The following SPICE1 variants were observed in gnomAD, a reference collection of about 807,000 sequenced individuals.
The protein encoded by SPICE1 is spindle and centriole-associated protein 1.
In SPICE1, 75 loss-of-function variants were observed where a neutral mutation model predicts 102.7. The ratio of observed to expected loss-of-function variants is 0.73; its 90% CI spans 0.61 to 0.88. The LOEUF is 0.88. Ranked by LOEUF, SPICE1 falls within the 40% of genes least tolerant of loss-of-function variation. SPICE1 has a pLI of 0.00. For missense variants in SPICE1, 979 were observed against 1,020.1 expected (o/e 0.96, Z 0.55); for synonymous variants, 308 against 350.3 (o/e 0.88, Z 1.35).
intron 14 of SPICE1, among the ~76,000 whole-genome samples, chr3:113,452,640 C>T (rs1382801128): frequency 2.0e-5 from 3 of 150,548 alleles, no homozygotes; most frequent in African/African-American, 4.9e-5. Flanking sequence ...GCCAAGATTG[C>T]GTCACTGCGC....
chr3:113,499,572 T>C lies in SPICE1; in HGVS notation c.158A>G (p.His53Arg), dbSNP rs149523076. 6.2e-7 allele frequency: 1 copy of C among 1,610,492 alleles called. No individual in the cohort carries two copies. The highest frequency in any genetic ancestry group is 1.3e-5 in the African/African-American group (1 of 74,626). ...TCTATTCTTCGATTTGTGTATTTCA[T>C]GACGGCGTACCTATACAGAAGAGAA... ...RATPEDLVRR[H>R]EIHKSKNRAL... Residue 53 changes from histidine to arginine, a missense_variant, in exon 4 of 18, where the codon CAT (histidine) becomes CGT (arginine). Transcript: ENST00000295872.
In SPICE1 at chr3:113,469,206, T is replaced by A; in HGVS notation, c.644A>T (p.Glu215Val). ...GTCAGTCCACAACTTACTAATTAAC[T>A]CAAAATTCTCTTCTGTTAGTTGTTG... Reference protein sequence around the residue: ...FLQQLTEENFELISKLWTDIQ... With the variant: ...FLQQLTEENFVLISKLWTDIQ... The change falls in exon 8 of 18, where the codon GAG becomes GTG. Residue 215 changes from glutamate (E) to valine (V), a missense_variant. Physicochemically the swap from Glu to Val is moderately radical, Grantham distance 121. Transcript: ENST00000295872. The A allele has an allele frequency of 6.3e-7, 1 of 1,592,986 alleles. No individual in the cohort carries two copies. Among genetic ancestry groups the A allele is most frequent in the South Asian group, 1.2e-5 (1 of 86,508 alleles).
At chr3:113,511,240 C>T (rs1937216225) in intron 1 of SPICE1, among the ~76,000 whole-genome samples, 1 of 152,118 alleles carries the variant, frequency 6.6e-6, no homozygotes, top group Non-Finnish European at 1.5e-5. Context: ...TACCATTTGA[C>T]CCAGCAATCA....
intron 11 of SPICE1, among the ~76,000 whole-genome samples, chr3:113,461,121 C>T (rs1365972311): frequency 2.0e-5 from 3 of 151,818 alleles, no homozygotes. Flanking sequence ...TAAACTACCC[C>T]CAAGAGACAC....
At chr3:113,507,876 A>G (rs187087747) in intron 1 of SPICE1, among the ~76,000 whole-genome samples, 1 of 152,276 alleles carries the variant, frequency 6.6e-6, no homozygotes, top group Admixed American at 6.5e-5. Flanking sequence ...CTGAGAGACA[A>G]AAGTTAACCA....
intron 7 of SPICE1, among the ~76,000 whole-genome samples, chr3:113,470,004 G>A (rs976331863): frequency 6.6e-6 from 1 of 152,166 alleles, no homozygotes; most frequent in African/African-American, 2.4e-5. Flanking sequence ...AGTGAGAAGA[G>A]ATGCTGCAGT....
At chr3:113,463,475 G>A (rs1935981475) in intron 11 of SPICE1, among the ~76,000 whole-genome samples, 1 of 152,144 alleles carries the variant, frequency 6.6e-6, no homozygotes, top group South Asian at 2.1e-4. Flanking sequence ...AATGTTCATA[G>A]CAGCATTATT....
chr3:113,485,487 C>T (rs1173557171), intron 7 of SPICE1, among the ~76,000 whole-genome samples: 1 of 152,104 alleles, frequency 6.6e-6, no homozygotes, highest in African/African-American at 2.4e-5. Flanking sequence ...TGGGTGGAGC[C>T]TACCGAAGCT....
intron 15 of SPICE1, chr3:113,449,363 T>C (rs1035713455): frequency 1.3e-5 from 2 of 152,084 alleles, no homozygotes; most frequent in Non-Finnish European, 1.5e-5. Context: ...TACATGTTCA[T>C]ATATAGTTAA....
rs747379694 is a variant in SPICE1 at position 113,468,713 on chromosome 3, T to C, written c.889+49A>G. The C allele has an allele frequency of 7.7e-6, 12 of 1,567,994 alleles. No individual in the cohort carries two copies. In the East Asian group the frequency reaches 2.7e-4, roughly 35 times the overall value. On this transcript the variant is annotated intron_variant, in intron 9 of 17. Coordinates refer to ENST00000295872, the MANE Select transcript of SPICE1 (RefSeq NM_144718.4). ...ATTGACTAAGAGATTAAGACAGCTG[T>C]ATCAAGTTACATGTTTAATATTCAT...
Position 113,445,316 on chromosome 3 carries a change from A to G in SPICE1, c.2559T>C (p.His853=), listed in dbSNP as rs141013353. ...NEEGWFALST[H]VS The stretch of plus-strand genomic sequence containing the variant: ...TGAGACTTGACTTCACTTATGATAC[A>G]TGGGTAGAAAGAGCAAACCAGCCTT... The change falls in exon 18 of 18, where the codon CAT becomes CAC. Residue 853 remains histidine (H), a synonymous_variant. Transcript: ENST00000295872. 1.9e-6 allele frequency: 3 copies of G among 1,612,668 alleles called. No homozygotes were observed. In the African/African-American group the frequency reaches 4.0e-5, roughly 22 times the overall value.
At chr3:113,514,772 G>A (rs933845492) in intron 1 of SPICE1, 125 bp downstream of exon 1, 2 of 1,287,568 alleles carry the variant, frequency 1.6e-6, no homozygotes, top group African/African-American at 3.0e-5. Flanking sequence ...CTCCCCCAAC[G>A]CTACAATCGA....
intron 7 of SPICE1, among the ~76,000 whole-genome samples, chr3:113,480,623 T>C (rs879319278): frequency 2.6e-4 from 40 of 152,114 alleles, no homozygotes; most frequent in Non-Finnish European, 1.9e-4. Context: ...ATTATCTCTA[T>C]AGATATTGAA....
intron 7 of SPICE1, among the ~76,000 whole-genome samples, chr3:113,475,029 A>G (rs1047687649): frequency 6.6e-6 from 1 of 152,190 alleles, no homozygotes; most frequent in African/African-American, 2.4e-5. Flanking sequence ...AAATTGATAG[A>G]CTGCTAGCAA....
intron 1 of SPICE1, 181 bp downstream of exon 1, chr3:113,514,716 C>T (rs2306069): frequency 0.2 from 254,700 of 1,245,344 alleles, 28,180 homozygotes; most frequent in East Asian, 0.42. Context: ...CGCTCCCGGT[C>T]CCAAAGCACC....
At chr3:113,497,805 C>A (rs778756031) in intron 4 of SPICE1, among the ~76,000 whole-genome samples, 1 of 146,708 alleles carries the variant, frequency 6.8e-6, no homozygotes, top group African/African-American at 2.6e-5. Context: ...CGGATTCAAG[C>A]GATTCTCCTG....
intron 1 of SPICE1, among the ~76,000 whole-genome samples, 155 bp from the exon 2 acceptor site, chr3:113,506,760 T>C (rs1937121577): frequency 6.6e-6 from 1 of 152,188 alleles, no homozygotes. Flanking sequence ...AAATACTTAG[T>C]TCTTTTATTT....
chr3:113,474,438 T>G (rs572167172), intron 7 of SPICE1, among the ~76,000 whole-genome samples: 1 of 152,082 alleles, frequency 6.6e-6, no homozygotes, highest in Non-Finnish European at 1.5e-5. Flanking sequence ...CCAAGCAGAC[T>G]TAATAGACAT....
intron 7 of SPICE1, among the ~76,000 whole-genome samples, chr3:113,472,861 C>T (rs113909588): frequency 1.3e-5 from 2 of 152,250 alleles, no homozygotes; most frequent in African/African-American, 4.8e-5. Context: ...AAACTGGAAA[C>T]TCTAAAAAGC....
Sources: allele counts gnomAD v4.1 joint callset (sites outside exome capture counted in the v4.1 genomes callset), GRCh38; gene constraint gnomAD v4.1.1; transcripts MANE v1.5; gene names NCBI Gene and HGNC (gene_info 2026-07-23, HGNC 2026-07-21).